ZNF681: variants seen among roughly 807,000 people sequenced by gnomAD.
ZNF681 encodes zinc finger protein 681, also known as hypothetical protein FLJ31526.
ZNF681 carries 37 observed loss-of-function variants against 56.0 expected under a neutral mutation model. The ratio of observed to expected loss-of-function variants is 0.66; its 90% CI spans 0.51 to 0.87. The LOEUF (loss-of-function observed/expected upper bound fraction) is 0.87. ZNF681 is among the 40% of genes least tolerant of loss of function. The pLI is 0.00. For synonymous variants in ZNF681, 225 were observed against 248.6 expected (o/e 0.91, Z 0.89); for missense variants, 741 against 744.9 (o/e 0.99, Z 0.06).
Position 23,743,697 on chromosome 19 carries a change from T to C in ZNF681, c.1853A>G (p.Tyr618Cys), listed in dbSNP as rs143380294. Residue 618 changes from tyrosine (Y) to cysteine (C), a missense_variant, in exon 4 of 4, where the codon TAC (tyrosine) becomes TGC (cysteine). Coordinates refer to ENST00000402377, the MANE Select transcript of ZNF681 (RefSeq NM_138286.3). ...ATCACTGTTACATCTTTTAGGTTTG[T>C]AGAGTTTCTCACCAGTATGAATTTT... The part of the protein sequence containing the change: ...HKKIHTGEKL[Y>C]KPKRCNSDFE... 8.6e-5 allele frequency: 139 copies of C among 1,608,698 alleles called. 1 individual carries two copies. Among genetic ancestry groups the C allele is most frequent in the Non-Finnish European group, 1.2e-4 (136 of 1,177,516 alleles).
intron 3 of ZNF681, among the ~76,000 whole-genome samples, chr19:23,751,657 C>T (rs1969033389): frequency 6.6e-6 from 1 of 152,036 alleles, no homozygotes; most frequent in Non-Finnish European, 1.5e-5. Flanking sequence ...AATCAATAAG[C>T]ATTTAAAAGA....
rs765750938 is a variant in ZNF681 at position 23,754,910 on chromosome 19, C to A, written c.139G>T (p.Val47Phe). The change falls in exon 3 of 4, where the codon GTC (valine) becomes TTC (phenylalanine). Residue 47 changes from valine (V) to phenylalanine (F), a missense_variant. Val to Phe is a conservative substitution (Grantham distance 50). Transcript: ENST00000402377. ...CAGGTGATCAGGTCTGGCTTAGAGA[C>A]AACAATACCTGTTTTATTGAAAGTA... ...YRNLVFLGIV[V>F]SKPDLITCLE... 6.2e-7 allele frequency: 1 copy of A among 1,610,436 alleles called. No individual in the cohort carries two copies. The highest frequency in any genetic ancestry group is 8.5e-7 in the Non-Finnish European group (1 of 1,179,180).
chr19:23,750,649 C>T (rs150510453), intron 3 of ZNF681, among the ~76,000 whole-genome samples: 6,419 of 151,856 alleles, frequency 0.042, 197 homozygotes, highest in South Asian at 0.16. Flanking sequence ...CGAGACCAGC[C>T]TGGCCAACAT....
Position 23,743,965 on chromosome 19 carries a change from T to C in ZNF681, c.1585A>G (p.Thr529Ala), listed in dbSNP as rs766100018. 99 of 1,612,800 alleles carry C rather than the reference T, an allele frequency of 6.1e-5. No individual in the cohort carries two copies. Among genetic ancestry groups the C allele is most frequent in the Non-Finnish European group, 8.1e-5 (95 of 1,179,868 alleles). The change falls in exon 4 of 4, where the codon ACT (threonine) becomes GCT (alanine). Residue 529 changes from threonine to alanine, a missense_variant. By Grantham distance (58) the Thr-to-Ala change is moderately conservative. Transcript: ENST00000402377. ...SKLTEHKKIHTGEKPYTCEEC... is the reference protein window; with the variant it reads ...SKLTEHKKIHAGEKPYTCEEC... ...TCACATGTGTAGGGTTTCTCTCCAG[T>C]ATGAATTTTCTTATGTTCAGTAAGT... is the stretch of plus-strand genomic sequence containing the variant.
chr19:23,755,330 T>C, intron 2 of ZNF681, 95 bp downstream of exon 2: 1 of 1,456,118 alleles, frequency 6.9e-7, no homozygotes, highest in Non-Finnish European at 9.2e-7. Flanking sequence ...TGAAACTCAC[T>C]TATGCAAAGC....
At chr19:23,752,443 G>C (rs922373684) in intron 3 of ZNF681, among the ~76,000 whole-genome samples, 3 of 152,148 alleles carry the variant, frequency 2.0e-5, no homozygotes, top group African/African-American at 7.2e-5. Flanking sequence ...AGCCCACTGA[G>C]TGACCTGGAA....
chr19:23,742,376 A>T lies in ZNF681; in HGVS notation c.*1236T>A, dbSNP rs898170336. Reference sequence around the variant, plus strand: ...CATGGTGGCACATGCCTGTAATCCCAGCTACTCGGGAGGCTGAGGCAGGAG... The same window carrying T: ...CATGGTGGCACATGCCTGTAATCCCTGCTACTCGGGAGGCTGAGGCAGGAG... On this transcript the variant is annotated 3_prime_UTR_variant, in exon 4 of 4. Coordinates refer to ENST00000402377, the MANE Select transcript of ZNF681 (RefSeq NM_138286.3). 1.3e-5 allele frequency: 2 copies of T among 152,148 alleles called. No homozygotes were observed. The highest frequency in any genetic ancestry group is 2.9e-5 in the Non-Finnish European group (2 of 68,152). 9.4% of individuals were successfully genotyped at this position (152,148 alleles called of 1,614,324 possible).
chr19:23,743,950 A>T lies in ZNF681; in HGVS notation c.1600T>A (p.Tyr534Asn). 6.2e-7 allele frequency: 1 copy of T among 1,612,952 alleles called. No homozygotes were observed. The highest frequency in any genetic ancestry group is 8.5e-7 in the Non-Finnish European group (1 of 1,179,844). The change falls in exon 4 of 4, where the codon TAC becomes AAC. Residue 534 changes from tyrosine (Y) to asparagine (N), a missense_variant. By Grantham distance (143) the Tyr-to-Asn change is moderately radical (BLOSUM62 -2). Coordinates refer to ENST00000402377, the MANE Select transcript of ZNF681 (RefSeq NM_138286.3). ...GCTTTGCCACATTCTTCACATGTGT[A>T]GGGTTTCTCTCCAGTATGAATTTTC... ...HKKIHTGEKPYTCEECGKAFN... is the reference protein window; with the variant it reads ...HKKIHTGEKPNTCEECGKAFN...
chr19:23,748,265 G>T (rs1340858073), intron 3 of ZNF681, among the ~76,000 whole-genome samples: 2 of 152,092 alleles, frequency 1.3e-5, no homozygotes, highest in African/African-American at 4.8e-5. Context: ...AAGGCCCGAG[G>T]GTCATGACCA....
At position 23,743,528 on chromosome 19, in the gene ZNF681, TTG is replaced by T. The variant is rs1968895258; in HGVS notation, c.*82_*83del. 1.2e-5 allele frequency: 15 copies of T among 1,283,200 alleles called. No individual in the cohort carries two copies. The highest frequency in any genetic ancestry group is 3.2e-5 in the Admixed American group (1 of 31,670). The allele number at this position is 1,283,200 out of a possible 1,614,324, so 79.5% of individuals were successfully genotyped here. A position where few individuals can be genotyped will look rare whatever the true frequency, so the allele number is the denominator to read the frequency against. On this transcript the variant is annotated 3_prime_UTR_variant, in exon 4 of 4. Transcript: ENST00000402377. Reference sequence around the variant, plus strand: ...AAAAGTTTTGCCACATTCTTCACACTTGTAGGTTTTTTTTTAGTATGAATTAT... The same window carrying T: ...AAAAGTTTTGCCACATTCTTCACACTTAGGTTTTTTTTTAGTATGAATTAT...
At chr19:23,751,743 T>C (rs1290369739) in intron 3 of ZNF681, among the ~76,000 whole-genome samples, 1 of 151,694 alleles carries the variant, frequency 6.6e-6, no homozygotes, top group African/African-American at 2.4e-5. Context: ...TGGAGTGCAG[T>C]GGCACAATCT....
At chr19:23,747,065 A>T (rs1968954446) in intron 3 of ZNF681, among the ~76,000 whole-genome samples, 1 of 152,164 alleles carries the variant, frequency 6.6e-6, no homozygotes, top group Non-Finnish European at 1.5e-5. Context: ...TTGAAGCTGC[A>T]GTCACTGCAC....
At chr19:23,749,600 C>T (rs1040433211) in intron 3 of ZNF681, among the ~76,000 whole-genome samples, 4 of 149,392 alleles carry the variant, frequency 2.7e-5, no homozygotes, top group Admixed American at 1.3e-4. Flanking sequence ...CACAACCATG[C>T]CTGGGTTAAA....
chr19:23,758,865 C>T lies in ZNF681; in HGVS notation c.-116G>A, dbSNP rs1969168577. On this transcript the variant is annotated 5_prime_UTR_variant, in exon 1 of 4. Transcript: ENST00000402377. ...AGGACACAGAGCAGTGAAGACGAGA[C>T]CCGGAGCTCGGGCTGAAGGGAGAGA... The T allele has an allele frequency of 4.8e-6, 7 of 1,450,458 alleles. No homozygotes were observed. Among genetic ancestry groups the T allele is most frequent in the Admixed American group, 3.9e-5 (2 of 51,372 alleles). 89.8% of individuals were successfully genotyped at this position (1,450,458 alleles called of 1,614,324 possible).
chr19:23,741,214 T>C lies in ZNF681; in HGVS notation c.*2398A>G, dbSNP rs1599449132. The C allele has an allele frequency of 6.6e-6, 1 of 152,198 alleles. No individual in the cohort carries two copies. Among genetic ancestry groups the C allele is most frequent in the African/African-American group, 2.4e-5 (1 of 41,452 alleles). The allele number at this position is 152,198 out of a possible 1,614,324, so 9.4% of individuals were successfully genotyped here. On this transcript the variant is annotated 3_prime_UTR_variant, in exon 4 of 4. Transcript: ENST00000402377. ...AACCCAAGCTTTATCTTTAAAGTAA[T>C]ATATGTATATATTTAACTCTGTGTA...
intron 3 of ZNF681, among the ~76,000 whole-genome samples, chr19:23,750,672 T>C (rs1198059664): frequency 2.6e-5 from 4 of 151,530 alleles, no homozygotes; most frequent in South Asian, 2.1e-4. Context: ...GGAAACCCCA[T>C]CTCTACTAAA....
chr19:23,749,263 A>T (rs1332017207), intron 3 of ZNF681, among the ~76,000 whole-genome samples: 5 of 152,216 alleles, frequency 3.3e-5, no homozygotes, highest in Non-Finnish European at 7.3e-5. Context: ...TCCCATTTAT[A>T]GGAGATATCT....
chr19:23,745,280 G>A lies in ZNF681; in HGVS notation c.270C>T (p.Asn90=), dbSNP rs1345981302. 1.3e-6 allele frequency: 2 copies of A among 1,589,566 alleles called. No individual in the cohort carries two copies. Among genetic ancestry groups the A allele is most frequent in the Admixed American group, 1.9e-5 (1 of 53,112 alleles). Residue 90 remains asparagine, a synonymous_variant, in exon 4 of 4, where the codon AAC becomes AAT. Coordinates refer to ENST00000402377, the MANE Select transcript of ZNF681 (RefSeq NM_138286.3). ...TCACTTTTTGGAAAGAATCTTTTAT[G>A]TTCTGCTCTGGTGAAAAGTCTTGGG... ...HFAQDFSPEQ[N]IKDSFQKVTP...
At chr19:23,757,026 A>G (rs1969132288) in intron 1 of ZNF681, among the ~76,000 whole-genome samples, 1 of 151,842 alleles carries the variant, frequency 6.6e-6, no homozygotes, top group South Asian at 2.1e-4. Flanking sequence ...GTCCGCCACC[A>G]TGCCTGGCTA....
Sources: allele counts gnomAD v4.1 joint callset (sites outside exome capture counted in the v4.1 genomes callset), GRCh38; gene constraint gnomAD v4.1.1; transcripts MANE v1.5; gene names NCBI Gene and HGNC (gene_info 2026-07-23, HGNC 2026-07-21).